Variants in KCTD2 observed in about 807,000 individuals in gnomAD.
KCTD2 encodes potassium channel tetramerization domain containing 2.
In KCTD2, 18 loss-of-function variants were observed where a neutral mutation model predicts 27.9. That is an observed-to-expected ratio of 0.64 (90% CI 0.45 to 0.96). KCTD2 has a LOEUF of 0.96. Ranked by LOEUF, KCTD2 falls within the 40% of genes least tolerant of loss-of-function variation. The pLI, the probability that KCTD2 is intolerant of heterozygous loss-of-function variation, is 0.00. For synonymous variants in KCTD2, 175 were observed against 148.4 expected (o/e 1.18, Z -1.30); for missense variants, 280 against 348.0 (o/e 0.80, Z 1.56).
chr17:75,053,883 T>C (rs1319228268), intron 3 of KCTD2, among the ~76,000 whole-genome samples: 2 of 145,986 alleles, frequency 1.4e-5, no homozygotes, highest in Admixed American at 6.9e-5. Context: ...TTTTTTTTTT[T>C]TGAGACAGAG....
intron 3 of KCTD2, chr17:75,038,780 A>T: frequency 1.1e-6 from 1 of 907,510 alleles, no homozygotes; most frequent in Non-Finnish European, 1.6e-6. Flanking sequence ...CTTTCCATTT[A>T]AACAAAAACC....
intron 2 of KCTD2, chr17:75,034,205 A>G (rs1001046132): frequency 4.6e-5 from 7 of 152,164 alleles, no homozygotes; most frequent in African/African-American, 1.7e-4. Context: ...ACTCGTAAGA[A>G]TAAAGTTGCC....
At chr17:75,033,905 AG>A (rs1350806051) in intron 1 of KCTD2, 2 of 152,324 alleles carry the variant, frequency 1.3e-5, no homozygotes, top group African/African-American at 4.8e-5. Context: ...ACGTGCCCCA[AG>A]CCCCAGTGGC....
intron 2 of KCTD2, among the ~76,000 whole-genome samples, chr17:75,052,072 G>A (rs760749877): frequency 3.9e-5 from 6 of 152,102 alleles, no homozygotes; most frequent in Non-Finnish European, 5.9e-5. Context: ...AGTTCAGGAG[G>A]TGTCCAACAT....
chr17:75,047,738 G>A, intron 1 of KCTD2, 149 bp downstream of exon 1: 1 of 697,334 alleles, frequency 1.4e-6, no homozygotes, highest in Non-Finnish European at 2.3e-6. Flanking sequence ...TACTCGCAGG[G>A]GCCTCAGAGG....
At chr17:75,059,913 A>G (rs2073386499) in intron 4 of KCTD2, among the ~76,000 whole-genome samples, 1 of 152,178 alleles carries the variant, frequency 6.6e-6, no homozygotes, top group African/African-American at 2.4e-5. Context: ...GGATCGTAGA[A>G]TGAGTCCCTA....
chr17:75,057,983 T>G (rs933634650), intron 3 of KCTD2, among the ~76,000 whole-genome samples: 4 of 150,054 alleles, frequency 2.7e-5, no homozygotes, highest in Non-Finnish European at 5.9e-5. Flanking sequence ...TCGCCTCAGG[T>G]CAAGACCAGC....
In KCTD2 at chr17:75,047,428, G is replaced by A. The variant is rs751371804; in HGVS notation, c.178G>A (p.Gly60Arg). ...AVAQPLEPGP[G>R]PPERAGGGGA... ...CGCGCAGCCGCTGGAGCCGGGTCCC[G>A]GACCACCCGAGCGGGCAGGGGGCGG... is the stretch of plus-strand genomic sequence containing the variant. The change falls in exon 1 of 6, where the codon GGA (glycine) becomes AGA (arginine). Residue 60 changes from glycine to arginine, a missense_variant. Coordinates refer to ENST00000322444, the MANE Select transcript of KCTD2 (RefSeq NM_015353.3). 42 of 1,395,256 alleles carry A rather than the reference G, an allele frequency of 3.0e-5. No individual in the cohort carries two copies. Among genetic ancestry groups the A allele is most frequent in the Non-Finnish European group, 3.7e-5 (39 of 1,067,176 alleles). 86.4% of individuals were successfully genotyped at this position (1,395,256 alleles called of 1,614,324 possible). A position where few individuals can be genotyped will look rare whatever the true frequency, so the allele number is the denominator to read the frequency against.
chr17:75,049,089 C>T, intron 1 of KCTD2, 131 bp from the exon 2 acceptor site: 1 of 569,626 alleles, frequency 1.8e-6, no homozygotes, highest in Non-Finnish European at 3.1e-6. Context: ...TTTGCCATCA[C>T]TAAAGTCTTT....
chr17:75,033,157 CTG>C (rs1312885268), intron 1 of KCTD2: 1 of 151,900 alleles, frequency 6.6e-6, no homozygotes, highest in Non-Finnish European at 1.5e-5. Context: ...TCAAATGAGA[CTG>C]CATCTCGCTA....
In KCTD2 at chr17:75,049,925, G is replaced by A. The variant is rs889333254; in HGVS notation, c.448+597G>A. ...CAAGGCTTGGCATGGTCCCACTGAA[G>A]GCATTCAGTTGTAAAGGGGACTGTC... On this transcript the variant is annotated intron_variant, in intron 2 of 5. Coordinates refer to ENST00000322444, the MANE Select transcript of KCTD2 (RefSeq NM_015353.3). Among the ~76,000 whole-genome samples the A allele has an allele frequency of 2.6e-5, 4 of 152,202 alleles. No individual in the cohort carries two copies. In the South Asian group the frequency reaches 8.3e-4, roughly 31 times the overall value.
intron 2 of KCTD2, among the ~76,000 whole-genome samples, chr17:75,052,091 C>A (rs2073294274): frequency 6.6e-6 from 1 of 151,722 alleles, no homozygotes; most frequent in Admixed American, 6.6e-5. Context: ...ATGACTAGTT[C>A]CAGGAACTAA....
chr17:75,048,062 G>A (rs535821881), intron 1 of KCTD2, among the ~76,000 whole-genome samples: 2 of 152,210 alleles, frequency 1.3e-5, no homozygotes, highest in Non-Finnish European at 2.9e-5. Flanking sequence ...CACAGCTGCA[G>A]GAAGCGCTCC....
At chr17:75,061,971 G>A (rs373438974) in intron 4 of KCTD2, 149 bp from the exon 5 acceptor site, 56 of 788,786 alleles carry the variant, frequency 7.1e-5, no homozygotes, top group South Asian at 8.2e-5. Context: ...ATTTCTCCCC[G>A]GGGGCTTTGG....
chr17:75,043,170 G>C (rs1472416288), upstream of KCTD2, among the ~76,000 whole-genome samples: 1 of 152,200 alleles, frequency 6.6e-6, no homozygotes, highest in African/African-American at 2.4e-5. Flanking sequence ...GTAATGAGCT[G>C]AGATGGCATC....
intron 4 of KCTD2, 60 bp from the exon 5 acceptor site, chr17:75,062,060 C>T: frequency 6.3e-7 from 1 of 1,598,666 alleles, no homozygotes; most frequent in East Asian, 2.2e-5. Flanking sequence ...ATTTGTGTAG[C>T]ACTTTCGAAA....
At chr17:75,060,759 T>G in intron 4 of KCTD2, 1 of 625,422 alleles carries the variant, frequency 1.6e-6, no homozygotes, top group African/African-American at 1.9e-5. Flanking sequence ...TTATACGGAT[T>G]ATGCCTACTT....
At chr17:75,059,689 A>C (rs1202331963) in intron 4 of KCTD2, 84 bp downstream of exon 4, 3 of 1,058,724 alleles carry the variant, frequency 2.8e-6, no homozygotes, top group Admixed American at 2.0e-5. Context: ...ATGGCCAATT[A>C]ATAACCACGG....
chr17:75,054,796 G>A (rs2073332892), intron 3 of KCTD2, among the ~76,000 whole-genome samples: 1 of 151,074 alleles, frequency 6.6e-6, no homozygotes, highest in African/African-American at 2.4e-5. Context: ...GGCGACAGAG[G>A]GAGACTCCAT....
Sources: allele counts gnomAD v4.1 joint callset (sites outside exome capture counted in the v4.1 genomes callset), GRCh38; gene constraint gnomAD v4.1.1; transcripts MANE v1.5; gene names NCBI Gene and HGNC (gene_info 2026-07-23, HGNC 2026-07-21).